Variants in WDR72 observed in about 807,000 individuals in gnomAD.
The protein encoded by WDR72 is WD repeat-containing protein 72.
A neutral mutation model predicts 124.2 loss-of-function variants in WDR72; 120 were observed. The ratio of observed to expected loss-of-function variants is 0.97; its 90% CI spans 0.83 to 1.12. The LOEUF (loss-of-function observed/expected upper bound fraction) is 1.12. Among genes scored for constraint, WDR72 ranks in the 50% most tolerant of loss-of-function variants. The probability of loss-of-function intolerance (pLI) is 0.00; values close to 1 mark genes in which losing one functional copy is unlikely to be tolerated. For missense variants in WDR72, 1,387 were observed against 1,278.8 expected (o/e 1.08, Z -1.29); for synonymous variants, 452 against 441.7 (o/e 1.02, Z -0.29).
intron 16 of WDR72, among the ~76,000 whole-genome samples, chr15:53,610,452 A>G (rs188342633): frequency 6.6e-6 from 1 of 152,182 alleles, no homozygotes; most frequent in Admixed American, 6.6e-5. Context: ...AGTTGTTACT[A>G]TAATTGTCTA....
chr15:53,726,169 T>C lies in WDR72; in HGVS notation c.154-3261A>G, dbSNP rs892154649. Among the ~76,000 whole-genome samples the C allele has an allele frequency of 7.1e-5, 10 of 141,720 alleles. No homozygotes were observed. In the East Asian group the frequency reaches 1.1e-3, roughly 15 times the overall value. 93.0% of individuals were successfully genotyped at this position (141,720 alleles called of 152,430 possible). A position where few individuals can be genotyped will look rare whatever the true frequency, so the allele number is the denominator to read the frequency against. ...CAATGCTTGATGATATGTAAGTTAA[T>C]TGGTTGTAATATATATATATATATG... On this transcript the variant is annotated intron_variant, in intron 2 of 19. Coordinates refer to ENST00000360509, the MANE Select transcript of WDR72 (RefSeq NM_182758.4).
intron 13 of WDR72, among the ~76,000 whole-genome samples, chr15:53,668,954 AG>A (rs1567016036): frequency 3.2e-5 from 1 of 31,548 alleles, no homozygotes; most frequent in Non-Finnish European, 1.0e-4. Flanking sequence ...GAGCAGGAGG[AG>A]GAGGAGAAGG....
chr15:53,760,858 T>C (rs1288837854), upstream of WDR72, among the ~76,000 whole-genome samples: 3 of 152,186 alleles, frequency 2.0e-5, no homozygotes, highest in Non-Finnish European at 2.9e-5. Context: ...ACACAATGGC[T>C]CACATTTGTA....
intron 1 of WDR72, among the ~76,000 whole-genome samples, chr15:53,757,318 T>C (rs4776171): frequency 0.29 from 44,830 of 152,150 alleles, 7,404 homozygotes; most frequent in East Asian, 0.46. Context: ...TTTTATGATG[T>C]AGCGATAGAA....
intron 18 of WDR72, among the ~76,000 whole-genome samples, chr15:53,540,693 C>G (rs549049541): frequency 6.6e-6 from 1 of 152,108 alleles, no homozygotes; most frequent in Admixed American, 6.5e-5. Flanking sequence ...GCGTGAGCGA[C>G]GCAGAAGACG....
chr15:53,743,655 A>ATAT (rs1303181954), intron 1 of WDR72, among the ~76,000 whole-genome samples: 1 of 152,216 alleles, frequency 6.6e-6, no homozygotes, highest in African/African-American at 2.4e-5. Flanking sequence ...TTTTTAAAGT[A>ATAT]CTAGTGATAG....
chr15:53,762,702 G>A (rs1346225626), upstream of WDR72: 1 of 152,152 alleles, frequency 6.6e-6, no homozygotes, highest in Non-Finnish European at 1.5e-5. Context: ...TGTAGAAAGA[G>A]GTCTAGACCT....
chr15:53,699,120 C>G (rs139939520), intron 13 of WDR72, among the ~76,000 whole-genome samples: 45 of 152,302 alleles, frequency 3.0e-4, no homozygotes, highest in African/African-American at 1.1e-3. Context: ...GAAATGTACT[C>G]TCAAACGAAC....
At chr15:53,715,689 G>A (rs149863627) in intron 4 of WDR72, among the ~76,000 whole-genome samples, 181 of 152,256 alleles carry the variant, frequency 1.2e-3, no homozygotes, top group African/African-American at 4.0e-3. Context: ...AGGCACAGTG[G>A]TTCATGCCTA....
rs1186317733 is a variant in WDR72 at position 53,716,691 on chromosome 15, A to T, written c.261-6T>A. On this transcript the variant is annotated splice_region_variant and splice_polypyrimidine_tract_variant and intron_variant, in intron 3 of 19. Transcript: ENST00000360509. ...CATTCCAAACACACATCTCCCTAGCAGAAGATAACTTTGTGTTATTCTCTG... is the reference window on the plus strand; with the variant it reads ...CATTCCAAACACACATCTCCCTAGCTGAAGATAACTTTGTGTTATTCTCTG... 6.4e-7 allele frequency: 1 copy of T among 1,570,544 alleles called. No homozygotes were observed. Among genetic ancestry groups the T allele is most frequent in the Non-Finnish European group, 8.7e-7 (1 of 1,151,370 alleles).
chr15:53,701,559 T>TCTCTCTCTCTCTCTCTCA (rs369568228), intron 12 of WDR72, among the ~76,000 whole-genome samples: 23 of 120,162 alleles, frequency 1.9e-4, no homozygotes, highest in East Asian at 5.8e-4. Context: ...TCTCTCTCTC[T>TCTCTCTCTCTCTCTCTCA]CACACACACA....
At chr15:53,702,414 A>G in intron 11 of WDR72, 60 bp from the exon 12 acceptor site, 2 of 1,391,874 alleles carry the variant, frequency 1.4e-6, no homozygotes, top group Non-Finnish European at 1.0e-6. Flanking sequence ...AAATCGTCCC[A>G]AGATTCTCTT....
intron 18 of WDR72, among the ~76,000 whole-genome samples, chr15:53,557,251 T>A (rs908095503): frequency 6.6e-6 from 1 of 152,140 alleles, no homozygotes; most frequent in Non-Finnish European, 1.5e-5. Context: ...TTCTTGCCTG[T>A]TTTCTAAGTG....
rs563725970 is a variant in WDR72, at chr15:53,696,130, G to C, written c.1765+3620C>G. Among the ~76,000 whole-genome samples, 224 of 152,190 alleles carry C rather than the reference G, an allele frequency of 1.5e-3. 1 individual carries two copies. Among genetic ancestry groups the C allele is most frequent in the Non-Finnish European group, 2.0e-3 (134 of 68,012 alleles). On this transcript the variant is annotated intron_variant, in intron 13 of 19. Coordinates refer to ENST00000360509, the MANE Select transcript of WDR72 (RefSeq NM_182758.4). ...GAGTTGCTCTAGTGCTGAAAGATCTGATAAATACCTTTATGTCAATTTATT... is the reference window on the plus strand; with the variant it reads ...GAGTTGCTCTAGTGCTGAAAGATCTCATAAATACCTTTATGTCAATTTATT...
intron 1 of WDR72, among the ~76,000 whole-genome samples, chr15:53,736,925 GA>G (rs964614417): frequency 6.7e-6 from 1 of 150,258 alleles, no homozygotes; most frequent in Non-Finnish European, 1.5e-5. Context: ...ATATGGAAAG[GA>G]AAAAACTTGA....
chr15:53,724,360 A>C (rs1231710350), intron 2 of WDR72, among the ~76,000 whole-genome samples: 1 of 152,214 alleles, frequency 6.6e-6, no homozygotes, highest in Non-Finnish European at 1.5e-5. Context: ...TGATTGTTGT[A>C]TTAGTCCATT....
intron 18 of WDR72, among the ~76,000 whole-genome samples, chr15:53,575,540 A>G (rs1390024463): frequency 1.3e-5 from 2 of 152,166 alleles, no homozygotes; most frequent in Admixed American, 1.3e-4. Context: ...TAAAACATTG[A>G]TATCTCAATG....
intron 18 of WDR72, among the ~76,000 whole-genome samples, chr15:53,578,438 G>A (rs2011732357): frequency 1.3e-5 from 2 of 152,154 alleles, no homozygotes; most frequent in Admixed American, 1.3e-4. Flanking sequence ...GTATCCCTGG[G>A]GCCTTGCTCA....
intron 18 of WDR72, among the ~76,000 whole-genome samples, chr15:53,587,836 A>C (rs1399191807): frequency 6.6e-6 from 1 of 152,030 alleles, no homozygotes; most frequent in African/African-American, 2.4e-5. Context: ...ACAAATATAC[A>C]TAAAGGGCCC....
Sources: gnomAD v4.1 joint callset for allele counts (sites outside exome capture counted in the v4.1 genomes callset) on GRCh38, gnomAD v4.1.1 for gene constraint, MANE v1.5 for transcripts, NCBI Gene and HGNC (gene_info 2026-07-23, HGNC 2026-07-21) for gene names.